Variants in ZCCHC10 observed in about 807,000 individuals in gnomAD.
ZCCHC10 encodes the protein zinc finger CCHC-type containing 10, also known as zinc finger CCHC domain-containing protein 10.
A neutral mutation model predicts 19.5 loss-of-function variants in ZCCHC10; 16 were observed. The ratio of observed to expected loss-of-function variants is 0.82; its 90% CI spans 0.56 to 1.25. The LOEUF is 1.25. ZCCHC10 is among the 50% of genes most tolerant of loss of function. ZCCHC10 has a pLI of 0.00. For synonymous variants in ZCCHC10, 67 were observed against 72.5 expected (o/e 0.92, Z 0.38); for missense variants, 197 against 201.0 (o/e 0.98, Z 0.12).
At chr5:133,006,678 C>A in intron 3 of ZCCHC10, 81 bp downstream of exon 3, 1 of 1,323,008 alleles carries the variant, frequency 7.6e-7, no homozygotes, top group Non-Finnish European at 1.0e-6. Context: ...TCTGGAGAAC[C>A]ACCATGAAAC....
chr5:132,998,725 G>C lies in ZCCHC10; in HGVS notation c.437C>G (p.Ser146Cys), dbSNP rs772961853. The change falls in exon 5 of 5, where the codon TCT (serine) becomes TGT (cysteine). Residue 146 changes from serine to cysteine, a missense_variant. Coordinates refer to ENST00000509437, the MANE Select transcript of ZCCHC10 (RefSeq NM_001300816.3). Reference sequence around the variant, plus strand: ...GGAGGAGGCTGAGGATGAGGAACTAGAGGAGCTTTCATCAGTGTCACTGTC... The same window carrying C: ...GGAGGAGGCTGAGGATGAGGAACTACAGGAGCTTTCATCAGTGTCACTGTC... ...SEDSDTDESS[S>C]SSSSSASSTT... 30 of 1,614,032 alleles carry C rather than the reference G, an allele frequency of 1.9e-5. No homozygotes were observed. The highest frequency in any genetic ancestry group is 1.6e-4 in the Middle Eastern group (1 of 6,084).
In ZCCHC10 at chr5:133,006,892, G is replaced by T; in HGVS notation, c.136C>A (p.Gln46Lys). 6.2e-7 allele frequency: 1 copy of T among 1,610,876 alleles called. No homozygotes were observed. The highest frequency in any genetic ancestry group is 8.5e-7 in the Non-Finnish European group (1 of 1,178,770). The change falls in exon 3 of 5, where the codon CAG (glutamine) becomes AAG (lysine). Residue 46 changes from glutamine to lysine, a missense_variant. Physicochemically the swap from Gln to Lys is moderately conservative, Grantham distance 53. Coordinates refer to ENST00000509437, the MANE Select transcript of ZCCHC10 (RefSeq NM_001300816.3). ...CAATGTCCAAATTCCAAGCATTTCT[G>T]ACATCTTACATGTTGCTTATTTGCT... is the stretch of plus-strand genomic sequence containing the variant. ...SEANKQHVRC[Q>K]KCLEFGHWTY...
At position 133,006,926 on chromosome 5, in the gene ZCCHC10, G is replaced by C. The variant is rs375700990; in HGVS notation, c.108-6C>G. On this transcript the variant is annotated splice_region_variant and splice_polypyrimidine_tract_variant and intron_variant, in intron 2 of 4. Transcript: ENST00000509437. ...CATGTTGCTTATTTGCTTCACTACA[G>C]AACAAAAAACAGAATACAAGCCTTA... 76 of 1,586,260 alleles carry C rather than the reference G, an allele frequency of 4.8e-5. No homozygotes were observed. Among genetic ancestry groups the C allele is most frequent in the Non-Finnish European group, 4.1e-5 (48 of 1,169,596 alleles).
At position 133,013,096 on chromosome 5, in the gene ZCCHC10, A is replaced by C. The variant is rs1188666331; in HGVS notation, c.108-6176T>G. Among the ~76,000 whole-genome samples the C allele has an allele frequency of 5.3e-5, 8 of 149,812 alleles. No individual in the cohort carries two copies. In the East Asian group the frequency reaches 1.4e-3, roughly 25 times the overall value. ...AAAAAATAATAAATAAATAAAAATA[A>C]AAATACAAAAAATTAGCTGGGCATG... is the stretch of plus-strand genomic sequence containing the variant. On this transcript the variant is annotated intron_variant, in intron 2 of 4. Coordinates refer to ENST00000509437, the MANE Select transcript of ZCCHC10 (RefSeq NM_001300816.3).
rs1161624781 is a variant in ZCCHC10, at chr5:133,022,840, C to G, written c.107+1G>C. 1.7e-6 allele frequency: 1 copy of G among 598,406 alleles called. No individual in the cohort carries two copies. The highest frequency in any genetic ancestry group is 3.0e-6 in the Non-Finnish European group (1 of 338,682). 37.1% of individuals were successfully genotyped at this position (598,406 alleles called of 1,614,324 possible). A position where few individuals can be genotyped will look rare whatever the true frequency, so the allele number is the denominator to read the frequency against. On this transcript the variant is annotated splice_donor_variant, in intron 2 of 4. Transcript: ENST00000509437. LOFTEE classifies it high-confidence loss of function. Reference sequence around the variant, plus strand: ...AGTTGACACAAAGCTGAGAGGGATACCTAATAACGATGGATGGCTGAATCA... The same window carrying G: ...AGTTGACACAAAGCTGAGAGGGATAGCTAATAACGATGGATGGCTGAATCA...
rs944015708 is a variant in ZCCHC10 at position 133,004,402 on chromosome 5, A to T, written c.269+2357T>A. On this transcript the variant is annotated intron_variant, in intron 3 of 4. Transcript: ENST00000509437. The stretch of plus-strand genomic sequence containing the variant: ...TTGGTCATGTTAGTCTCAAACTCCC[A>T]ACCTCAGGTGATCCACCCGCCTTGG... Among the ~76,000 whole-genome samples, 4 of 151,962 alleles carry T rather than the reference A, an allele frequency of 2.6e-5. No homozygotes were observed. In the East Asian group the frequency reaches 5.9e-4, roughly 22 times the overall value.
intron 2 of ZCCHC10, among the ~76,000 whole-genome samples, chr5:133,008,042 G>A (rs915457769): frequency 4.6e-5 from 7 of 151,634 alleles, no homozygotes; most frequent in South Asian, 4.2e-4. Context: ...TGGCTAACAC[G>A]GTGAAACCCT....
rs1477365261 is a variant in ZCCHC10 at position 132,997,084 on chromosome 5, T to C, written c.*1499A>G. ...CATCCGTGTTCTTTAACTGCTAATA[T>C]TACCTTTACAGAGACAAACATTATA... On this transcript the variant is annotated 3_prime_UTR_variant, in exon 5 of 5. Coordinates refer to ENST00000509437, the MANE Select transcript of ZCCHC10 (RefSeq NM_001300816.3). 2 of 152,240 alleles carry C rather than the reference T, an allele frequency of 1.3e-5. No homozygotes were observed. The highest frequency in any genetic ancestry group is 2.9e-5 in the Non-Finnish European group (2 of 68,032). 9.4% of individuals were successfully genotyped at this position (152,240 alleles called of 1,614,324 possible).
At chr5:133,015,092 T>G (rs1763832613) in intron 2 of ZCCHC10, among the ~76,000 whole-genome samples, 1 of 150,968 alleles carries the variant, frequency 6.6e-6, no homozygotes, top group South Asian at 2.1e-4. Flanking sequence ...TTTTTTTTTT[T>G]TTTTGAGACT....
Position 132,998,812 on chromosome 5 carries a change from T to C in ZCCHC10, c.350A>G (p.Asp117Gly). The C allele has an allele frequency of 1.2e-6, 2 of 1,614,200 alleles. No homozygotes were observed. Among genetic ancestry groups the C allele is most frequent in the Non-Finnish European group, 1.7e-6 (2 of 1,180,034 alleles). The change falls in exon 5 of 5, where the codon GAC becomes GGC. Residue 117 changes from aspartate (D) to glycine (G), a missense_variant. Asp to Gly is a moderately conservative substitution (Grantham distance 94). Transcript: ENST00000509437. ...TGATGAAGAATCACTGGCAGAACTG[T>C]CACTGCTACTGCTACTGGAACTGGT... ...SVTSSSSSSS[D>G]SSASDSSSES... is the part of the protein sequence containing the mutation.
intron 2 of ZCCHC10, among the ~76,000 whole-genome samples, chr5:133,021,391 T>C (rs1180437256): frequency 6.6e-6 from 1 of 152,210 alleles, no homozygotes; most frequent in Non-Finnish European, 1.5e-5. Flanking sequence ...TGACAAAAGA[T>C]GTGCAAGACC....
intron 2 of ZCCHC10, among the ~76,000 whole-genome samples, chr5:133,019,685 T>C (rs888995724): frequency 2.8e-4 from 42 of 152,196 alleles, no homozygotes; most frequent in African/African-American, 9.9e-4. Context: ...CTGGGTGCAG[T>C]GACTCAGACC....
At chr5:133,018,745 C>T (rs915639752) in intron 2 of ZCCHC10, among the ~76,000 whole-genome samples, 5 of 152,152 alleles carry the variant, frequency 3.3e-5, no homozygotes, top group Non-Finnish European at 7.3e-5. Flanking sequence ...TTCTGCAATA[C>T]TGTAAGTTTC....
At chr5:133,012,913 C>T (rs1402875940) in intron 2 of ZCCHC10, among the ~76,000 whole-genome samples, 2 of 151,504 alleles carry the variant, frequency 1.3e-5, no homozygotes, top group African/African-American at 2.4e-5. Flanking sequence ...TAGCCGGGCG[C>T]AGTGGCGGGT....
Position 133,006,897 on chromosome 5 carries a change from C to T in ZCCHC10, c.131G>A (p.Arg44Lys). The change falls in exon 3 of 5, where the codon AGA becomes AAA. Residue 44 changes from arginine (R) to lysine (K), a missense_variant. Coordinates refer to ENST00000509437, the MANE Select transcript of ZCCHC10 (RefSeq NM_001300816.3). ...VISEANKQHVRCQKCLEFGHW... is the reference protein window; with the variant it reads ...VISEANKQHVKCQKCLEFGHW... ...TCCAAATTCCAAGCATTTCTGACAT[C>T]TTACATGTTGCTTATTTGCTTCACT... 1 of 1,609,314 alleles carries T rather than the reference C, an allele frequency of 6.2e-7. No homozygotes were observed. The highest frequency in any genetic ancestry group is 8.5e-7 in the Non-Finnish European group (1 of 1,178,410).
intron 1 of ZCCHC10, among the ~76,000 whole-genome samples, chr5:133,023,361 T>A (rs115006478): frequency 1.3e-5 from 2 of 152,090 alleles, no homozygotes; most frequent in Non-Finnish European, 1.5e-5. Flanking sequence ...TTCATTCCAA[T>A]TGATTTAGTA....
intron 2 of ZCCHC10, among the ~76,000 whole-genome samples, chr5:133,008,021 C>G (rs1300716507): frequency 6.8e-6 from 1 of 147,966 alleles, no homozygotes; most frequent in African/African-American, 2.5e-5. Context: ...GTCAGGAGAT[C>G]GAGACCATCC....
chr5:133,008,224 C>CAA (rs1226503517), intron 2 of ZCCHC10, among the ~76,000 whole-genome samples: 2 of 68,642 alleles, frequency 2.9e-5, no homozygotes, highest in Non-Finnish European at 5.7e-5. Context: ...GACTCTGTCT[C>CAA]AAAAAAAAAA....
chr5:133,011,776 G>A (rs1458696708), intron 2 of ZCCHC10, among the ~76,000 whole-genome samples: 1 of 151,820 alleles, frequency 6.6e-6, no homozygotes, highest in Non-Finnish European at 1.5e-5. Flanking sequence ...TAGATTCAAA[G>A]CAATTCCAAT....
Sources: gnomAD v4.1 joint callset for allele counts (sites outside exome capture counted in the v4.1 genomes callset) on GRCh38, gnomAD v4.1.1 for gene constraint, MANE v1.5 for transcripts, NCBI Gene and HGNC (gene_info 2026-07-23, HGNC 2026-07-21) for gene names.